PDGFA: variants seen among roughly 807,000 people sequenced by gnomAD.
PDGFA encodes the protein platelet-derived growth factor subunit A.
In PDGFA, 9 loss-of-function variants were observed where a neutral mutation model predicts 25.6. The ratio of observed to expected loss-of-function variants is 0.35; its 90% CI spans 0.21 to 0.61. The LOEUF is 0.61. Among genes scored for constraint, PDGFA ranks in the 20% least tolerant of loss-of-function variants. The pLI, the probability that PDGFA is intolerant of heterozygous loss-of-function variation, is 0.75. For missense variants in PDGFA, 242 were observed against 272.8 expected, an observed-to-expected ratio of 0.89 and a Z score of 0.79; for synonymous variants, 133 against 111.8, an observed-to-expected ratio of 1.19 and a Z score of -1.20.
chr7:498,349 G>C lies in PDGFA; in HGVS notation c.*215C>G, dbSNP rs1782189029. 7.6e-6 allele frequency: 4 copies of C among 529,062 alleles called. No individual in the cohort carries two copies. The East Asian group carries it at 1.2e-4, about 16-fold the overall frequency. 32.8% of individuals were successfully genotyped at this position (529,062 alleles called of 1,614,324 possible). On this transcript the variant is annotated 3_prime_UTR_variant, in exon 6 of 6. Coordinates refer to ENST00000402802, the Ensembl canonical transcript of PDGFA. Reference sequence around the variant, plus strand: ...CTCTCTCTCTCTTTTTGACAAGGAAGCTTCTTACTGCTTCACCGAGTGCTA... The same window carrying C: ...CTCTCTCTCTCTTTTTGACAAGGAACCTTCTTACTGCTTCACCGAGTGCTA...
chr7:516,567 C>G (rs1783110611), intron 2 of PDGFA, among the ~76,000 whole-genome samples: 1 of 152,210 alleles, frequency 6.6e-6, no homozygotes, highest in African/African-American at 2.4e-5. Context: ...TTGAAAAGAG[C>G]GCCACGCACG....
rs368188067 is a variant in PDGFA, at chr7:502,136, C to A, written c.454-894G>T. Among the ~76,000 whole-genome samples the A allele has an allele frequency of 2.6e-5, 4 of 152,080 alleles. No individual in the cohort carries two copies. The East Asian group carries it at 7.7e-4, about 29-fold the overall frequency. On this transcript the variant is annotated intron_variant, in intron 4 of 5. Transcript: ENST00000402802. ...ACTTGGGAGGCTGAGGTAGGAGGAT[C>A]GCTTGAGCCCAGGAGTTTGAGGCTG...
rs898196189 is a variant in PDGFA at position 500,839 on chromosome 7, G to C, written c.580+277C>G. 2.0e-6 allele frequency: 3 copies of C among 1,501,238 alleles called. No individual in the cohort carries two copies. Among genetic ancestry groups the C allele is most frequent in the Non-Finnish European group, 2.7e-6 (3 of 1,125,392 alleles). The allele number at this position is 1,501,238 out of a possible 1,614,324, so 93.0% of individuals were successfully genotyped here. On this transcript the variant is annotated intron_variant, in intron 5 of 5. Transcript: ENST00000402802. This position sits in a 1 kb window ranked among gnomAD's most constrained non-coding sequence, Gnocchi z 5.0. ...CAGCCCCGCAGCCCACTAATGAATTGGGTGTCTTATGCACTCCCAGCCCCT... is the reference window on the plus strand; with the variant it reads ...CAGCCCCGCAGCCCACTAATGAATTCGGTGTCTTATGCACTCCCAGCCCCT...
At chr7:516,107 C>A (rs1031541481) in intron 2 of PDGFA, among the ~76,000 whole-genome samples, 1 of 143,004 alleles carries the variant, frequency 7.0e-6, no homozygotes, top group Non-Finnish European at 1.5e-5. Flanking sequence ...TTCCCCCCCA[C>A]AAACCAGAGC....
intron 5 of PDGFA, among the ~76,000 whole-genome samples, chr7:499,720 T>TCCCCCCCCCCCCCCCCCCCCCCCCCCCCC (rs1162560758): frequency 4.3e-5 from 1 of 23,050 alleles, no homozygotes; most frequent in Non-Finnish European, 8.4e-5. Flanking sequence ...ATTTTGCCCT[T>TCCCCCCCCCCCCCCCCCCCCCCCCCCCCC]CCCCCCCCCC....
intron 2 of PDGFA, chr7:512,924 A>G: frequency 4.0e-6 from 1 of 247,950 alleles, no homozygotes; most frequent in South Asian, 5.4e-5. Context: ...GAGGCCGCTG[A>G]GATTTCTGCA....
intron 4 of PDGFA, among the ~76,000 whole-genome samples, chr7:504,117 C>G (rs1782463779): frequency 6.6e-6 from 1 of 152,148 alleles, no homozygotes; most frequent in East Asian, 1.9e-4. Context: ...ATGCAGAAGG[C>G]CCCAGAAACG....
At chr7:511,380 T>G (rs1412793952) in intron 3 of PDGFA, among the ~76,000 whole-genome samples, 12 of 6,042 alleles carry the variant, frequency 2.0e-3, no homozygotes, top group African/African-American at 4.3e-3. Context: ...AGACTGGGGG[T>G]GGCAGGGGCA....
intron 4 of PDGFA, among the ~76,000 whole-genome samples, chr7:508,072 T>C (rs954615310): frequency 3.9e-5 from 6 of 152,028 alleles, no homozygotes; most frequent in Non-Finnish European, 8.8e-5. Context: ...GAGGCCAAGA[T>C]AAGTCCCAGT....
chr7:507,109 G>C (rs62433328), intron 4 of PDGFA, among the ~76,000 whole-genome samples: 16,367 of 152,282 alleles, frequency 0.11, 1,003 homozygotes, highest in South Asian at 0.16. Flanking sequence ...TCTCTTGGCT[G>C]AGCCTCCAAA....
chr7:503,097 T>C (rs1471440353), intron 4 of PDGFA, among the ~76,000 whole-genome samples: 1 of 152,110 alleles, frequency 6.6e-6, no homozygotes, highest in Admixed American at 6.5e-5. Flanking sequence ...CCAACCATGC[T>C]ACAAGGAGGC....
At position 501,195 on chromosome 7, in the gene PDGFA, G is replaced by C. The variant is rs764096135; in HGVS notation, c.501C>G (p.Val167=). The change falls in exon 5 of 6, where the codon GTC becomes GTG. Residue 167 remains valine (V), a synonymous_variant. Coordinates refer to ENST00000402802, the Ensembl canonical transcript of PDGFA. ...CCAAATGCTCCTCTAACCTCACCTG[G>C]ACTTCTTTTAATTTTGGCTTCTTCC... The C allele has an allele frequency of 3.7e-6, 6 of 1,614,194 alleles. No individual in the cohort carries two copies. In the South Asian group the frequency reaches 5.5e-5, roughly 15 times the overall value.
intron 5 of PDGFA, 141 bp from the exon 6 acceptor site, chr7:498,715 AT>A: frequency 1.3e-6 from 1 of 796,618 alleles, no homozygotes; most frequent in East Asian, 2.7e-5. Flanking sequence ...TTTTCAAGAA[AT>A]TTCCAGAATC....
intron 3 of PDGFA, among the ~76,000 whole-genome samples, chr7:511,594 G>A (rs1782855275): frequency 6.6e-6 from 1 of 152,190 alleles, no homozygotes. Context: ...TAAGGTGGAA[G>A]ATACAAAATC....
exon 5 of PDGFA, chr7:501,153 G>A (rs150790351): frequency 4.5e-5 from 73 of 1,614,112 alleles, no homozygotes; most frequent in Non-Finnish European, 5.9e-5. Context: ...TCAGGCTTGT[G>A]GTCGCGCAGG....
chr7:512,122 G>A (rs1039178041), intron 3 of PDGFA, among the ~76,000 whole-genome samples: 7 of 152,200 alleles, frequency 4.6e-5, no homozygotes, highest in Admixed American at 1.3e-4. Context: ...AGGAGCAGGC[G>A]GGCTGGGGCA....
chr7:500,521 G>A lies in PDGFA; in HGVS notation c.580+595C>T, dbSNP rs9692477. 52,584 of 1,613,754 alleles carry A rather than the reference G, an allele frequency of 0.033. 1,285 individuals are homozygous for A. The highest frequency in any genetic ancestry group is 0.098 in the African/African-American group (7,320 of 75,030). On this transcript the variant is annotated intron_variant, in intron 5 of 5. Transcript: ENST00000402802. This position sits in a 1 kb window ranked among gnomAD's most constrained non-coding sequence, Gnocchi z 5.0. ...CTTCCTGTTAACAAAAGGGCAGGGC[G>A]GTGAGTGGGCCGAGGGACGGCCGTC...
At chr7:510,168 C>T (rs765597725) in intron 4 of PDGFA, among the ~76,000 whole-genome samples, 2 of 152,190 alleles carry the variant, frequency 1.3e-5, no homozygotes, top group Non-Finnish European at 1.5e-5. Context: ...AAACGGCCCC[C>T]GCACTGTGGT....
chr7:502,065 C>G (rs1347819368), intron 4 of PDGFA, among the ~76,000 whole-genome samples: 1 of 152,044 alleles, frequency 6.6e-6, no homozygotes, highest in Non-Finnish European at 1.5e-5. Flanking sequence ...CCTCTAAAAA[C>G]AATTTAAAAA....
Sources: gnomAD v4.1 joint callset for allele counts (sites outside exome capture counted in the v4.1 genomes callset) on GRCh38, gnomAD v4.1.1 for gene constraint, Gnocchi (gnomAD v3.1) non-coding constraint, MANE v1.5 for transcripts, NCBI Gene and HGNC (gene_info 2026-07-23, HGNC 2026-07-21) for gene names.